Variants in TENM3 observed in about 807,000 individuals in gnomAD.
TENM3 encodes the protein teneurin transmembrane protein 3.
In TENM3, 63 loss-of-function variants were observed where a neutral mutation model predicts 255.1. The observed-to-expected ratio is 0.25, with a 90% CI of 0.20 to 0.30. TENM3 has a LOEUF of 0.30. Among genes scored for constraint, TENM3 ranks in the 10% least tolerant of loss-of-function variants. TENM3 has a pLI of 1.00. For missense variants in TENM3, 2,929 were observed against 3,461.1 expected, an observed-to-expected ratio of 0.85 and a Z score of 3.86; for synonymous variants, 1,306 against 1,322.3, an observed-to-expected ratio of 0.99 and a Z score of 0.27.
chr4:182,423,315 G>T (rs1373382461), intron 3 of TENM3, among the ~76,000 whole-genome samples: 1 of 152,120 alleles, frequency 6.6e-6, no homozygotes, highest in Non-Finnish European at 1.5e-5. Context: ...ACTCCTTCAC[G>T]TCTTTAAAAT....
chr4:182,271,655 C>T (rs2150220030), intron 1 of TENM3, among the ~76,000 whole-genome samples: 1 of 152,290 alleles, frequency 6.6e-6, no homozygotes, highest in African/African-American at 2.4e-5. Flanking sequence ...AACCTCAATC[C>T]TATAAGCAGT....
chr4:182,482,505 A>G (rs1375901799), intron 3 of TENM3, among the ~76,000 whole-genome samples: 1 of 152,204 alleles, frequency 6.6e-6, no homozygotes, highest in African/African-American at 2.4e-5. Flanking sequence ...GGAATATATC[A>G]ATATGATTAA....
upstream of TENM3, among the ~76,000 whole-genome samples, chr4:182,242,022 C>CT (rs1193342141): frequency 3.2e-4 from 38 of 117,154 alleles, 3 homozygotes; most frequent in Admixed American, 6.5e-4. Flanking sequence ...TTTCCTCTCT[C>CT]TTTTTTTTTT....
chr4:182,575,988 C>T (rs1744872299), intron 3 of TENM3, among the ~76,000 whole-genome samples: 1 of 152,202 alleles, frequency 6.6e-6, no homozygotes, highest in African/African-American at 2.4e-5. Flanking sequence ...CAGTTATTCT[C>T]ATTTTCAGGG....
intron 27 of TENM3, among the ~76,000 whole-genome samples, chr4:182,797,439 C>CA (rs573944370): frequency 0.17 from 24,685 of 145,440 alleles, 3,574 homozygotes; most frequent in African/African-American, 0.4. Context: ...AACTCCGTCT[C>CA]AAAAAAAAAA....
chr4:182,621,936 CTG>C (rs938161489), intron 4 of TENM3, among the ~76,000 whole-genome samples: 3 of 148,398 alleles, frequency 2.0e-5, no homozygotes, highest in Non-Finnish European at 3.0e-5. Context: ...CTTCACACCA[CTG>C]TGCACCAGCC....
chr4:182,633,433 G>C (rs1443545859), intron 5 of TENM3, among the ~76,000 whole-genome samples: 1 of 152,174 alleles, frequency 6.6e-6, no homozygotes, highest in Admixed American at 6.5e-5. Context: ...ATACCAGCTT[G>C]ATGAGCAAAA....
In TENM3 at chr4:182,175,274, G is replaced by A. The variant is rs1000255592; in HGVS notation, c.-76+30520G>A. 1.1e-4 allele frequency among the ~76,000 whole-genome samples: 15 copies of A among 136,780 alleles called. No homozygotes were observed. The Admixed American group carries it at 1.2e-3, about 11-fold the overall frequency. The allele number at this position is 136,780 out of a possible 152,430, so 89.7% of individuals were successfully genotyped here. A position where few individuals can be genotyped will look rare whatever the true frequency, so the allele number is the denominator to read the frequency against. ...TGAGATGAGTCTCCTTTTTACCTTT[G>A]TTACCTCAGGCCTCTGCTCTGCTTC... On this transcript the variant is annotated intron_variant, in intron 1 of 2. Transcript: ENST00000512480.
chr4:182,253,796 G>A (rs1464467881), intron 1 of TENM3, among the ~76,000 whole-genome samples: 1 of 151,988 alleles, frequency 6.6e-6, no homozygotes, highest in East Asian at 1.9e-4. Context: ...CTTACAAGAG[G>A]GATTGAAAGT....
upstream of TENM3, among the ~76,000 whole-genome samples, chr4:182,240,902 G>T (rs1757211893): frequency 6.6e-6 from 1 of 152,190 alleles, no homozygotes; most frequent in African/African-American, 2.4e-5. Flanking sequence ...GGCCTCTGAG[G>T]CCCCTGGGCA....
the TENM3 span, among the ~76,000 whole-genome samples, chr4:181,605,181 C>T: frequency 5.6e-4 from 85 of 151,934 alleles, no homozygotes; most frequent in East Asian, 0.014. Flanking sequence ...CGTGGTGGCT[C>T]ACGCCTCTAA....
At chr4:182,023,125 G>C in the TENM3 span, among the ~76,000 whole-genome samples, 1 of 152,146 alleles carries the variant, frequency 6.6e-6, no homozygotes, top group African/African-American at 2.4e-5. Flanking sequence ...GTAGAGCTTT[G>C]AAATGGCAGT....
the TENM3 span, among the ~76,000 whole-genome samples, chr4:182,101,139 GAAAGA>G: frequency 3.7e-5 from 1 of 26,992 alleles, no homozygotes; most frequent in African/African-American, 1.6e-4. Flanking sequence ...AGGAAGGAAG[GAAAGA>G]AGGGAGGGAG....
intron 3 of TENM3, among the ~76,000 whole-genome samples, chr4:182,410,286 G>A (rs1769894528): frequency 1.3e-5 from 2 of 152,190 alleles, no homozygotes; most frequent in South Asian, 4.1e-4. Flanking sequence ...CACTAATTAG[G>A]CAACACTGTA....
chr4:182,199,614 G>A (rs765249510), intron 1 of TENM3, among the ~76,000 whole-genome samples: 1 of 150,836 alleles, frequency 6.6e-6, no homozygotes, highest in African/African-American at 2.4e-5. Context: ...TAATAGCTCA[G>A]CATTCAGGTT....
At chr4:181,959,179 C>T in the TENM3 span, among the ~76,000 whole-genome samples, 1 of 152,092 alleles carries the variant, frequency 6.6e-6, no homozygotes, top group Non-Finnish European at 1.5e-5. Context: ...ATGCCATTTC[C>T]TCTAGGAAGC....
At chr4:182,513,283 A>G (rs1298435146) in intron 3 of TENM3, among the ~76,000 whole-genome samples, 3 of 152,238 alleles carry the variant, frequency 2.0e-5, no homozygotes, top group Non-Finnish European at 4.4e-5. Flanking sequence ...TATCAGAAGC[A>G]TAAAATACAA....
the TENM3 span, among the ~76,000 whole-genome samples, chr4:181,811,279 C>G: frequency 1.3e-5 from 2 of 152,128 alleles, no homozygotes; most frequent in South Asian, 4.1e-4. Flanking sequence ...GTGAACATCT[C>G]ACATATATTT....
chr4:181,739,095 G>A, the TENM3 span, among the ~76,000 whole-genome samples: 1 of 152,140 alleles, frequency 6.6e-6, no homozygotes, highest in Non-Finnish European at 1.5e-5. Context: ...ATTGCCCACT[G>A]CATATTCAGT....
Sources: gnomAD v4.1 joint callset for allele counts (sites outside exome capture counted in the v4.1 genomes callset) on GRCh38, gnomAD v4.1.1 for gene constraint, MANE v1.5 for transcripts, NCBI Gene and HGNC (gene_info 2026-07-23, HGNC 2026-07-21) for gene names.